Variants in PPFIA2 observed in about 807,000 individuals in gnomAD.
PPFIA2 encodes PPFI scaffold protein A2, also known as liprin-alpha-2.
In PPFIA2, 46 loss-of-function variants were observed where a neutral mutation model predicts 175.5. The observed-to-expected ratio is 0.26, with a 90% CI of 0.21 to 0.34. PPFIA2 has a LOEUF of 0.34. Ranked by LOEUF, PPFIA2 falls within the 10% of genes least tolerant of loss-of-function variation. PPFIA2 has a pLI of 1.00. For missense variants in PPFIA2, 1,179 were observed against 1,506.1 expected, an observed-to-expected ratio of 0.78 and a Z score of 3.60; for synonymous variants, 568 against 511.4, an observed-to-expected ratio of 1.11 and a Z score of -1.49.
At chr12:81,578,967 T>C (rs563066390) in intron 4 of PPFIA2, among the ~76,000 whole-genome samples, 1 of 151,922 alleles carries the variant, frequency 6.6e-6, no homozygotes, top group East Asian at 1.9e-4. Flanking sequence ...TTTCCCATAA[T>C]AGTTAAAATA....
At chr12:81,341,684 C>T (rs1045610170) in intron 19 of PPFIA2, among the ~76,000 whole-genome samples, 2 of 152,120 alleles carry the variant, frequency 1.3e-5, no homozygotes, top group South Asian at 4.1e-4. Flanking sequence ...TTAGACACTG[C>T]TGCCATAAAT....
rs563870875 is a variant in PPFIA2 at position 81,474,283 on chromosome 12, A to G, written c.304-16417T>C. 1.4e-4 allele frequency among the ~76,000 whole-genome samples: 22 copies of G among 152,204 alleles called. No homozygotes were observed. In the South Asian group the frequency reaches 4.4e-3, roughly 30 times the overall value. On this transcript the variant is annotated intron_variant, in intron 4 of 32. Transcript: ENST00000549396. ...GCAATTCTTGTGCCTCAGCCTCCCC[A>G]GTAGCTGGAATTACAGGCATCTACC...
chr12:81,660,571 T>C (rs2068637189), intron 4 of PPFIA2, among the ~76,000 whole-genome samples: 2 of 152,126 alleles, frequency 1.3e-5, no homozygotes, highest in South Asian at 4.1e-4. Flanking sequence ...CTACGTCCCA[T>C]TGGTGTACCT....
At chr12:81,533,756 T>C (rs975937615) in intron 4 of PPFIA2, among the ~76,000 whole-genome samples, 1 of 150,772 alleles carries the variant, frequency 6.6e-6, no homozygotes, top group Admixed American at 6.7e-5. Flanking sequence ...TCTATCTACA[T>C]ATATATATAC....
chr12:81,753,994 C>T lies in PPFIA2; in HGVS notation c.228G>A (p.Gln76=). The change falls in exon 3 of 33, where the codon CAG becomes CAA. Residue 76 remains glutamine (Q), a synonymous_variant. Coordinates refer to ENST00000549396, the MANE Select transcript of PPFIA2 (RefSeq NM_003625.5). ...ATACCTGTGGCAGGGCTGAATTGAG[C>T]TGTCTCTGGAGTGAGTCTCGGTCAT... ...VIYDRDSLQR[Q]LNSALPQDIE... is the part of the protein sequence containing the mutation. 1 of 1,613,818 alleles carries T rather than the reference C, an allele frequency of 6.2e-7. No individual in the cohort carries two copies. Among genetic ancestry groups the T allele is most frequent in the South Asian group, 1.1e-5 (1 of 91,010 alleles).
intron 4 of PPFIA2, among the ~76,000 whole-genome samples, chr12:81,657,289 T>C (rs1271651640): frequency 6.6e-6 from 1 of 152,216 alleles, no homozygotes; most frequent in African/African-American, 2.4e-5. Flanking sequence ...AGCCAAAGTT[T>C]AATGAATACT....
At chr12:81,274,082 T>C (rs1010576052) in intron 28 of PPFIA2, among the ~76,000 whole-genome samples, 1 of 152,126 alleles carries the variant, frequency 6.6e-6, no homozygotes. Flanking sequence ...TAGCATCACA[T>C]TTTGGCTATA....
In PPFIA2 at chr12:81,434,697, G is replaced by A. The variant is rs573180420; in HGVS notation, c.645+5275C>T. ...ATGTACCTTCCAGCATTAGTGTACTGACATATATGTATTTAGCAATAAATA... is the reference window on the plus strand; with the variant it reads ...ATGTACCTTCCAGCATTAGTGTACTAACATATATGTATTTAGCAATAAATA... On this transcript the variant is annotated intron_variant, in intron 7 of 32. Coordinates refer to ENST00000549396, the MANE Select transcript of PPFIA2 (RefSeq NM_003625.5). Among the ~76,000 whole-genome samples the A allele has an allele frequency of 3.9e-4, 59 of 151,924 alleles. No individual in the cohort carries two copies. In the South Asian group the frequency reaches 6.0e-3, roughly 16 times the overall value.
At chr12:81,320,603 T>C in intron 22 of PPFIA2, among the ~76,000 whole-genome samples, 1 of 151,992 alleles carries the variant, frequency 6.6e-6, no homozygotes, top group Admixed American at 6.6e-5. Flanking sequence ...CAACTTAAGT[T>C]ACAAAATAGA....
At chr12:81,445,299 G>T (rs1265131518) in intron 6 of PPFIA2, among the ~76,000 whole-genome samples, 1 of 150,886 alleles carries the variant, frequency 6.6e-6, no homozygotes, top group South Asian at 2.1e-4. Context: ...CTGAAGTAGG[G>T]TTATAATGTA....
intron 21 of PPFIA2, 59 bp downstream of exon 21, chr12:81,339,121 G>T (rs925350145): frequency 1.3e-5 from 17 of 1,351,194 alleles, no homozygotes; most frequent in Admixed American, 2.6e-5. Context: ...AAGATAGATG[G>T]ATACTGTGAC....
intron 4 of PPFIA2, among the ~76,000 whole-genome samples, chr12:81,483,256 C>T (rs1418425435): frequency 3.9e-5 from 6 of 152,022 alleles, no homozygotes; most frequent in South Asian, 2.1e-4. Flanking sequence ...CTTTTATATG[C>T]GTGTTCATAG....
intron 21 of PPFIA2, among the ~76,000 whole-genome samples, chr12:81,336,847 T>G (rs1159781187): frequency 2.0e-5 from 3 of 152,184 alleles, no homozygotes; most frequent in Non-Finnish European, 4.4e-5. Flanking sequence ...ACACTGGCAA[T>G]GCTCCTGGGT....
intron 7 of PPFIA2, among the ~76,000 whole-genome samples, chr12:81,424,098 A>T (rs1365063405): frequency 6.6e-6 from 1 of 152,084 alleles, no homozygotes; most frequent in Non-Finnish European, 1.5e-5. Context: ...CCCCATACTC[A>T]ACAATCTTTT....
chr12:81,352,059 C>T (rs930214543), intron 17 of PPFIA2, among the ~76,000 whole-genome samples: 1 of 152,038 alleles, frequency 6.6e-6, no homozygotes, highest in African/African-American at 2.4e-5. Flanking sequence ...GGACTCTATC[C>T]TGCTTTCTGC....
At chr12:81,565,965 T>C (rs1030283548) in intron 4 of PPFIA2, among the ~76,000 whole-genome samples, 1 of 152,160 alleles carries the variant, frequency 6.6e-6, no homozygotes, top group Non-Finnish European at 1.5e-5. Flanking sequence ...TTCAAACCTG[T>C]CACATATGTA....
chr12:81,355,072 G>A (rs2060669914), intron 16 of PPFIA2, among the ~76,000 whole-genome samples: 1 of 152,134 alleles, frequency 6.6e-6, no homozygotes, highest in Admixed American at 6.5e-5. Flanking sequence ...ACCTATGGCA[G>A]TTATAGCCCT....
intron 4 of PPFIA2, among the ~76,000 whole-genome samples, chr12:81,559,804 G>GTTT (rs71098149): frequency 1.0e-4 from 15 of 145,250 alleles, no homozygotes; most frequent in South Asian, 6.5e-4. Context: ...ATGCTTAGTT[G>GTTT]TTTTTTTTTT....
At chr12:81,535,707 A>T (rs1429602737) in intron 4 of PPFIA2, among the ~76,000 whole-genome samples, 1 of 151,626 alleles carries the variant, frequency 6.6e-6, no homozygotes, top group Non-Finnish European at 1.5e-5. Context: ...CTCTTTTATG[A>T]CACGTGTTAC....
Sources: allele counts gnomAD v4.1 joint callset (sites outside exome capture counted in the v4.1 genomes callset), GRCh38; gene constraint gnomAD v4.1.1; transcripts MANE v1.5; gene names NCBI Gene and HGNC (gene_info 2026-07-23, HGNC 2026-07-21).